SEMA6A: variants seen among roughly 807,000 people sequenced by gnomAD.
SEMA6A encodes semaphorin-6A.
Under a neutral mutation model 96.8 loss-of-function variants are expected in SEMA6A, and 25 were observed. The observed-to-expected ratio is 0.26, with a 90% CI of 0.19 to 0.36. SEMA6A has a LOEUF of 0.36. Ranked by LOEUF, SEMA6A falls within the 10% of genes least tolerant of loss-of-function variation. SEMA6A has a pLI of 1.00. For synonymous variants in SEMA6A, 612 were observed against 518.0 expected, an observed-to-expected ratio of 1.18 and a Z score of -2.46; for missense variants, 1,363 against 1,323.1, an observed-to-expected ratio of 1.03 and a Z score of -0.47.
intron 1 of SEMA6A, among the ~76,000 whole-genome samples, chr5:116,537,171 G>A (rs1759752821): frequency 6.6e-6 from 1 of 152,078 alleles, no homozygotes; most frequent in South Asian, 2.1e-4. Flanking sequence ...CCACCAACAG[G>A]GAAACTGCAG....
chr5:116,475,976 C>CT (rs1172196054), intron 15 of SEMA6A, among the ~76,000 whole-genome samples: 1 of 152,122 alleles, frequency 6.6e-6, no homozygotes, highest in Non-Finnish European at 1.5e-5. Flanking sequence ...AAAGAAAAAT[C>CT]TTTTTTTCTC....
At chr5:116,551,575 T>G (rs1760411137) in intron 1 of SEMA6A, among the ~76,000 whole-genome samples, 1 of 152,070 alleles carries the variant, frequency 6.6e-6, no homozygotes, top group Non-Finnish European at 1.5e-5. Context: ...CCCAAGGAGG[T>G]TAAGGAGCTT....
intron 10 of SEMA6A, 160 bp downstream of exon 10, chr5:116,486,588 CT>C: frequency 1.6e-6 from 1 of 616,692 alleles, no homozygotes; most frequent in East Asian, 2.8e-5. Flanking sequence ...TTATAAACTA[CT>C]TTTAATTTGT....
At chr5:116,505,436 C>T (rs1758098488) in intron 1 of SEMA6A, among the ~76,000 whole-genome samples, 1 of 147,302 alleles carries the variant, frequency 6.8e-6, no homozygotes. Flanking sequence ...TTCCAACACA[C>T]AGGTACACAG....
intron 6 of SEMA6A, among the ~76,000 whole-genome samples, chr5:116,492,170 A>G (rs1483438414): frequency 6.6e-6 from 1 of 152,102 alleles, no homozygotes; most frequent in Non-Finnish European, 1.5e-5. Flanking sequence ...TCTGGCATGT[A>G]TTCAAAAATG....
chr5:116,496,819 T>TTC (rs1757625855), intron 4 of SEMA6A, among the ~76,000 whole-genome samples: 1 of 152,218 alleles, frequency 6.6e-6, no homozygotes, highest in South Asian at 2.1e-4. Flanking sequence ...TGAAGGGATC[T>TTC]TCTACTCCTA....
chr5:116,519,687 A>ACACACACG (rs919217932), intron 1 of SEMA6A, among the ~76,000 whole-genome samples: 107 of 150,110 alleles, frequency 7.1e-4, no homozygotes, highest in African/African-American at 2.6e-3. Flanking sequence ...ACACACACAC[A>ACACACACG]CACACGCACA....
At position 116,444,953 on chromosome 5, in the gene SEMA6A, C is replaced by T. The variant is rs1485470632; in HGVS notation, c.*1660G>A. The stretch of plus-strand genomic sequence containing the variant: ...TTCTGCTAGCAAATAAGGATATCAC[C>T]GTATTGAAATAATCTAAGGGAAGCA... On this transcript the variant is annotated 3_prime_UTR_variant, in exon 19 of 19. Coordinates refer to ENST00000343348, the MANE Select transcript of SEMA6A (RefSeq NM_020796.5). 2 of 152,664 alleles carry T rather than the reference C, an allele frequency of 1.3e-5. No individual in the cohort carries two copies. Among genetic ancestry groups the T allele is most frequent in the Non-Finnish European group, 1.5e-5 (1 of 68,058 alleles). 9.5% of individuals were successfully genotyped at this position (152,664 alleles called of 1,614,324 possible). A position where few individuals can be genotyped will look rare whatever the true frequency, so the allele number is the denominator to read the frequency against.
At chr5:116,533,985 C>G (rs1759603373) in intron 1 of SEMA6A, among the ~76,000 whole-genome samples, 2 of 152,204 alleles carry the variant, frequency 1.3e-5, no homozygotes, top group African/African-American at 2.4e-5. Flanking sequence ...ATATGCCTGT[C>G]TCCCTATTCC....
chr5:116,546,221 TACTGGCTTCCTATG>T (rs2112874055), intron 1 of SEMA6A, among the ~76,000 whole-genome samples: 1 of 152,350 alleles, frequency 6.6e-6, no homozygotes, highest in Admixed American at 6.5e-5. Flanking sequence ...CTTACGCAAG[TACTGGCTTCCTATG>T]ACACAGAGTC....
chr5:116,483,535 T>C (rs1756897491), intron 10 of SEMA6A, among the ~76,000 whole-genome samples: 1 of 152,212 alleles, frequency 6.6e-6, no homozygotes, highest in Non-Finnish European at 1.5e-5. Context: ...TGATTTTGTC[T>C]TGAATTTTGC....
At chr5:116,493,261 G>A (rs181549934) in intron 6 of SEMA6A, among the ~76,000 whole-genome samples, 34 of 152,284 alleles carry the variant, frequency 2.2e-4, no homozygotes, top group African/African-American at 7.9e-4. Flanking sequence ...TTCCATCTAG[G>A]GAATTCCTTG....
At chr5:116,504,790 A>T (rs934320250) in intron 2 of SEMA6A, 55 bp downstream of exon 2, 5 of 1,367,212 alleles carry the variant, frequency 3.7e-6, no homozygotes, top group Non-Finnish European at 5.1e-6. Context: ...TGCTAGGCTG[A>T]TTCAGGCTAA....
Position 116,446,517 on chromosome 5 carries a change from G to T in SEMA6A, c.*96C>A. ...CTCGGCTCTGCCGCAGGCCTTCTTG[G>T]TCTGGTGGGTACTCGAGGCAGTTGA... On this transcript the variant is annotated 3_prime_UTR_variant, in exon 19 of 19. Coordinates refer to ENST00000343348, the MANE Select transcript of SEMA6A (RefSeq NM_020796.5). 9.3e-7 allele frequency: 1 copy of T among 1,077,846 alleles called. No individual in the cohort carries two copies. The highest frequency in any genetic ancestry group is 1.3e-6 in the Non-Finnish European group (1 of 775,620). The allele number at this position is 1,077,846 out of a possible 1,614,324, so 66.8% of individuals were successfully genotyped here.
intron 3 of SEMA6A, chr5:116,499,151 A>G (rs2112758214): frequency 6.6e-6 from 1 of 152,268 alleles, no homozygotes; most frequent in African/African-American, 2.4e-5. Context: ...TCTGTGAATG[A>G]AATCTTCTTT....
At position 116,446,266 on chromosome 5, in the gene SEMA6A, GTGTGT is replaced by G; in HGVS notation, c.*342_*346del. On this transcript the variant is annotated 3_prime_UTR_variant, in exon 19 of 19. Coordinates refer to ENST00000343348, the MANE Select transcript of SEMA6A (RefSeq NM_020796.5). Reference sequence around the variant, plus strand: ...GTGTGTGTGTATGTGTTGTGTGCATGTGTGTGTGTGTGTGTGTGTGGGGGTGGGGG... The same window carrying G: ...GTGTGTGTGTATGTGTTGTGTGCATGGTGTGTGTGTGTGTGGGGGTGGGGG... 2 of 1,516 alleles carry G rather than the reference GTGTGT, an allele frequency of 1.3e-3. No homozygotes were observed. Among genetic ancestry groups the G allele is most frequent in the Non-Finnish European group, 3.7e-3 (2 of 546 alleles). The allele number at this position is 1,516 out of a possible 1,614,324, so 0.1% of individuals were successfully genotyped here.
chr5:116,526,510 C>A (rs573931319), intron 1 of SEMA6A, among the ~76,000 whole-genome samples: 25 of 152,154 alleles, frequency 1.6e-4, no homozygotes, highest in Non-Finnish European at 2.9e-4. Flanking sequence ...AAAATACAAT[C>A]CCTGTCCTCA....
chr5:116,529,990 A>G (rs1001474888), intron 1 of SEMA6A, among the ~76,000 whole-genome samples: 1 of 152,140 alleles, frequency 6.6e-6, no homozygotes, highest in African/African-American at 2.4e-5. Context: ...TCGGAACCTA[A>G]AATAAAAGTA....
intron 1 of SEMA6A, among the ~76,000 whole-genome samples, chr5:116,560,134 C>G (rs777270427): frequency 7.9e-5 from 12 of 152,318 alleles, no homozygotes; most frequent in Non-Finnish European, 1.5e-4. Flanking sequence ...CCTCCTCCCC[C>G]TTGCCTCCCA....
Sources: gnomAD v4.1 joint callset for allele counts (sites outside exome capture counted in the v4.1 genomes callset) on GRCh38, gnomAD v4.1.1 for gene constraint, MANE v1.5 for transcripts, NCBI Gene and HGNC (gene_info 2026-07-23, HGNC 2026-07-21) for gene names.